The following NTNG2 variants were observed in gnomAD, a reference collection of about 807,000 sequenced individuals.
NTNG2 encodes the protein netrin-G2.
NTNG2 carries 15 observed loss-of-function variants against 47.6 expected under a neutral mutation model. That is an observed-to-expected ratio of 0.32 (90% confidence interval 0.21 to 0.49). The LOEUF (loss-of-function observed/expected upper bound fraction) is 0.49. NTNG2 is among the 20% of genes least tolerant of loss of function. NTNG2 has a pLI of 0.99. For missense variants in NTNG2, 578 were observed against 764.6 expected (o/e 0.76, Z 2.88); for synonymous variants, 307 against 324.6 (o/e 0.95, Z 0.58).
chr9:132,177,949 G>A (rs1467717066), intron 2 of NTNG2, among the ~76,000 whole-genome samples: 13 of 152,176 alleles, frequency 8.5e-5, no homozygotes, highest in Non-Finnish European at 1.6e-4. Context: ...GAGCCACAGC[G>A]CCTGGCCTCA....
At chr9:132,194,728 G>A (rs1359422379) in intron 2 of NTNG2, among the ~76,000 whole-genome samples, 1 of 152,262 alleles carries the variant, frequency 6.6e-6, no homozygotes, top group African/African-American at 2.4e-5. Context: ...GGGGCCTGAG[G>A]ACAGAGCTAT....
chr9:132,170,167 G>A (rs1004537855), intron 2 of NTNG2, among the ~76,000 whole-genome samples: 1 of 152,194 alleles, frequency 6.6e-6, no homozygotes, highest in Non-Finnish European at 1.5e-5. Context: ...GGCCTTTTCA[G>A]ATGCGGGGTG....
chr9:132,225,152 A>G (rs1032104032), intron 3 of NTNG2, among the ~76,000 whole-genome samples: 21 of 152,294 alleles, frequency 1.4e-4, no homozygotes, highest in Non-Finnish European at 2.9e-4. Context: ...CCTGACCTCA[A>G]GTTATCTGCC....
Position 132,236,784 on chromosome 9 carries a change from G to T in NTNG2, c.1055-2320G>T, listed in dbSNP as rs540337130. Among the ~76,000 whole-genome samples the T allele has an allele frequency of 6.6e-6, 1 of 152,358 alleles. No homozygotes were observed. Among genetic ancestry groups the T allele is most frequent in the South Asian group, 2.1e-4 (1 of 4,824 alleles). Reference sequence around the variant, plus strand: ...CGGGACAGTGGCCTGCTCACCCACAGATAGGGCGTTGGGGTCCCAGCGGGA... The same window carrying T: ...CGGGACAGTGGCCTGCTCACCCACATATAGGGCGTTGGGGTCCCAGCGGGA... On this transcript the variant is annotated intron_variant, in intron 5 of 7. Transcript: ENST00000393229. The surrounding 1 kb of genome is among the most constrained non-coding windows in gnomAD (Gnocchi z 4.3).
Position 132,180,884 on chromosome 9 carries a change from A to G in NTNG2, c.213+13840A>G, listed in dbSNP as rs553710639. On this transcript the variant is annotated intron_variant, in intron 2 of 7. Transcript: ENST00000393229. This position sits in a 1 kb window ranked among gnomAD's most constrained non-coding sequence, Gnocchi z 4.2. ...CACGCATGTGCACACGTGTGTGCAAACACTGGGCTCATGCACAGGCACACA... is the reference window on the plus strand; with the variant it reads ...CACGCATGTGCACACGTGTGTGCAAGCACTGGGCTCATGCACAGGCACACA... 6.6e-6 allele frequency among the ~76,000 whole-genome samples: 1 copy of G among 152,282 alleles called. No individual in the cohort carries two copies. The highest frequency in any genetic ancestry group is 2.4e-5 in the African/African-American group (1 of 41,570).
In NTNG2 at chr9:132,242,187, C is replaced by T; in HGVS notation, c.*76C>T. The T allele has an allele frequency of 1.4e-6, 1 of 712,820 alleles. No individual in the cohort carries two copies. Among genetic ancestry groups the T allele is most frequent in the Non-Finnish European group, 1.8e-6 (1 of 566,058 alleles). The allele number at this position is 712,820 out of a possible 1,614,324, so 44.2% of individuals were successfully genotyped here. A position where few individuals can be genotyped will look rare whatever the true frequency, so the allele number is the denominator to read the frequency against. On this transcript the variant is annotated 3_prime_UTR_variant, in exon 8 of 8. Transcript: ENST00000393229. This position sits in a 1 kb window ranked among gnomAD's most constrained non-coding sequence, Gnocchi z 5.9. ...CCCGGGGCGGGGCCGGCGTCCGAGG[C>T]CGGGCGGTGAGAAGGGTGCGGCCCG...
intron 3 of NTNG2, among the ~76,000 whole-genome samples, chr9:132,219,098 T>A (rs1222612586): frequency 6.6e-6 from 1 of 151,464 alleles, no homozygotes; most frequent in East Asian, 2.0e-4. Context: ...ACGCCTGTAA[T>A]CCCAGCTACT....
intron 2 of NTNG2, among the ~76,000 whole-genome samples, chr9:132,194,457 G>C (rs2130690181): frequency 6.6e-6 from 1 of 152,350 alleles, no homozygotes; most frequent in Non-Finnish European, 1.5e-5. Context: ...ACAGGACAGG[G>C]TGTGTCTTGC....
chr9:132,235,553 G>A (rs993017079), intron 5 of NTNG2, among the ~76,000 whole-genome samples: 2 of 152,232 alleles, frequency 1.3e-5, no homozygotes, highest in Non-Finnish European at 2.9e-5. Context: ...CTTCTAAGGG[G>A]CCTGTGGGGT....
intron 3 of NTNG2, among the ~76,000 whole-genome samples, chr9:132,209,368 G>A (rs1839412122): frequency 6.6e-6 from 1 of 152,326 alleles, no homozygotes; most frequent in Admixed American, 6.5e-5. Context: ...AGTGTGAAGC[G>A]CAGGCGAGAC....
chr9:132,195,592 G>T (rs1363742592), intron 2 of NTNG2, among the ~76,000 whole-genome samples: 1 of 150,560 alleles, frequency 6.6e-6, no homozygotes, highest in Non-Finnish European at 1.5e-5. Flanking sequence ...CTCCCAAAGT[G>T]CTGGGATTAC....
At position 132,197,641 on chromosome 9, in the gene NTNG2, A is replaced by G. The variant is rs1417901882; in HGVS notation, c.214-325A>G. Among the ~76,000 whole-genome samples, 5 of 152,118 alleles carry G rather than the reference A, an allele frequency of 3.3e-5. No individual in the cohort carries two copies. The highest frequency in any genetic ancestry group is 7.4e-5 in the Non-Finnish European group (5 of 68,026). Reference sequence around the variant, plus strand: ...GAGGGCAGGTTGGGGTTGGTATATTACAGAGTCAGGACTCTGTATTCCAGG... The same window carrying G: ...GAGGGCAGGTTGGGGTTGGTATATTGCAGAGTCAGGACTCTGTATTCCAGG... On this transcript the variant is annotated intron_variant, in intron 2 of 7. Transcript: ENST00000393229. This position sits in a 1 kb window ranked among gnomAD's most constrained non-coding sequence, Gnocchi z 4.3.
At chr9:132,176,883 G>A (rs1053112064) in intron 2 of NTNG2, among the ~76,000 whole-genome samples, 6 of 152,278 alleles carry the variant, frequency 3.9e-5, no homozygotes, top group African/African-American at 9.6e-5. Flanking sequence ...TGTCTTATTA[G>A]GATGAGCCTA....
intron 3 of NTNG2, among the ~76,000 whole-genome samples, chr9:132,203,029 G>A (rs560787740): frequency 2.0e-5 from 3 of 152,174 alleles, no homozygotes; most frequent in South Asian, 2.1e-4. Flanking sequence ...CTGGTTAGAC[G>A]GTGGGAGAGG....
chr9:132,194,208 A>AG (rs982672861), intron 2 of NTNG2, among the ~76,000 whole-genome samples: 3 of 152,144 alleles, frequency 2.0e-5, no homozygotes, highest in African/African-American at 7.2e-5. Context: ...GGCTGGGGGA[A>AG]GGGGGGCATG....
chr9:132,201,864 C>CA (rs1189493132), intron 3 of NTNG2, among the ~76,000 whole-genome samples: 1 of 152,218 alleles, frequency 6.6e-6, no homozygotes. Flanking sequence ...ACCTGATCCC[C>CA]ACCCCCTGGA....
chr9:132,235,907 A>G (rs1445294763), intron 5 of NTNG2, among the ~76,000 whole-genome samples: 2 of 152,164 alleles, frequency 1.3e-5, no homozygotes, highest in African/African-American at 4.8e-5. Context: ...TCTAGGGCAC[A>G]GTGGTGAGGG....
chr9:132,238,638 G>A (rs774063592), intron 5 of NTNG2, among the ~76,000 whole-genome samples: 5 of 152,330 alleles, frequency 3.3e-5, no homozygotes, highest in East Asian at 3.9e-4. Context: ...CTTGTCCAGC[G>A]TCCATCCATG....
intron 2 of NTNG2, among the ~76,000 whole-genome samples, chr9:132,178,949 G>A (rs1316890313): frequency 7.9e-6 from 1 of 127,260 alleles, no homozygotes. Context: ...ACAACAGAGT[G>A]AGACTCGGTC....
Sources: gnomAD v4.1 joint callset for allele counts (sites outside exome capture counted in the v4.1 genomes callset) on GRCh38, gnomAD v4.1.1 for gene constraint, Gnocchi (gnomAD v3.1) non-coding constraint, MANE v1.5 for transcripts, NCBI Gene and HGNC (gene_info 2026-07-23, HGNC 2026-07-21) for gene names.